CD1B: variants seen among roughly 807,000 people sequenced by gnomAD.
The protein encoded by CD1B is T-cell surface glycoprotein CD1b.
In CD1B, 43 loss-of-function variants were observed where a neutral mutation model predicts 39.8. The ratio of observed to expected loss-of-function variants is 1.08; its 90% CI spans 0.85 to 1.39. CD1B has a LOEUF of 1.39. Among genes scored for constraint, CD1B ranks in the 40% most tolerant of loss-of-function variants. CD1B has a pLI of 0.00. For synonymous variants in CD1B, 192 were observed against 152.5 expected (o/e 1.26, Z -1.91); for missense variants, 495 against 403.8 (o/e 1.23, Z -1.94).
chr1:158,302,294 T>C, the CD1B span, among the ~76,000 whole-genome samples: 3 of 150,450 alleles, frequency 2.0e-5, no homozygotes, highest in Non-Finnish European at 3.0e-5. Flanking sequence ...TAAAACAGAG[T>C]TAAGAGGAAA....
chr1:158,291,466 C>T, the CD1B span: 4 of 1,542,198 alleles, frequency 2.6e-6, no homozygotes, highest in African/African-American at 5.5e-5. Context: ...ATATTCTCTA[C>T]TAATTTTTGG....
the CD1B span, among the ~76,000 whole-genome samples, chr1:158,298,861 A>G: frequency 2.0e-5 from 3 of 152,268 alleles, no homozygotes; most frequent in East Asian, 5.8e-4. Context: ...TTGCACGTTG[A>G]TTTTGTATCC....
chr1:158,299,875 C>G, the CD1B span, among the ~76,000 whole-genome samples: 1 of 152,076 alleles, frequency 6.6e-6, no homozygotes, highest in Non-Finnish European at 1.5e-5. Flanking sequence ...ATTCTTCTCT[C>G]TTTTCTTCTT....
At chr1:158,294,135 G>C in the CD1B span, among the ~76,000 whole-genome samples, 1 of 152,204 alleles carries the variant, frequency 6.6e-6, no homozygotes, top group Non-Finnish European at 1.5e-5. Context: ...AATAGACAGA[G>C]AGTGTGCAAG....
the CD1B span, among the ~76,000 whole-genome samples, chr1:158,315,210 T>C: frequency 1.4e-3 from 207 of 152,292 alleles, 1 homozygote; most frequent in African/African-American, 4.8e-3. Flanking sequence ...TTTCTAGTTC[T>C]AGATCCCTGA....
the CD1B span, among the ~76,000 whole-genome samples, chr1:158,300,191 G>C: frequency 6.6e-6 from 1 of 152,218 alleles, no homozygotes; most frequent in East Asian, 1.9e-4. Flanking sequence ...TTGTGTCTTT[G>C]TTCTCATTGG....
chr1:158,323,443 G>A (rs1652254627), downstream of CD1B, among the ~76,000 whole-genome samples: 2 of 151,992 alleles, frequency 1.3e-5, no homozygotes, highest in South Asian at 4.1e-4. Flanking sequence ...AAGCTATTCT[G>A]AATTCCTTGA....
chr1:158,330,807 A>T lies in CD1B; in HGVS notation c.317T>A (p.Phe106Tyr). 6.2e-7 allele frequency: 1 copy of T among 1,614,160 alleles called. No homozygotes were observed. Among genetic ancestry groups the T allele is most frequent in the Non-Finnish European group, 8.5e-7 (1 of 1,180,012 alleles). Residue 106 changes from phenylalanine to tyrosine, a missense_variant, in exon 2 of 6, where the codon TTC (phenylalanine) becomes TAC (tyrosine). Physicochemically the swap from Phe to Tyr is conservative, Grantham distance 22. Coordinates refer to ENST00000368168, the MANE Select transcript of CD1B (RefSeq NM_001764.3). The part of the protein sequence containing the change: ...AREVQDFAGD[F>Y]QMKYPFEIQG... ...TGGACTAGACTCACATTTCATCTGG[A>T]AATCACCGGCAAAGTCTTGTACTTC...
At chr1:158,310,696 C>A in the CD1B span, among the ~76,000 whole-genome samples, 1 of 152,226 alleles carries the variant, frequency 6.6e-6, no homozygotes, top group South Asian at 2.1e-4. Context: ...ACATAGCCAA[C>A]AAGCATATTT....
rs1652467183 is a variant in CD1B, at chr1:158,328,918, C to G, written c.980+3G>C. On this transcript the variant is annotated splice_donor_region_variant and intron_variant, in intron 5 of 5. Coordinates refer to ENST00000368168, the MANE Select transcript of CD1B (RefSeq NM_001764.3). ...AAAAAAAACAACACCACCCACAACTCACCGGCGCCTCATATACCATAATGC... is the reference window on the plus strand; with the variant it reads ...AAAAAAAACAACACCACCCACAACTGACCGGCGCCTCATATACCATAATGC... 6.3e-7 allele frequency: 1 copy of G among 1,594,910 alleles called. No homozygotes were observed. The highest frequency in any genetic ancestry group is 1.8e-5 in the Admixed American group (1 of 55,792).
rs1470313698 is a variant in CD1B, at chr1:158,329,397, C to T, written c.859G>A (p.Glu287Lys). Reference sequence around the variant, plus strand: ...CAGTAGAGGATGATGTCCTGGCCCTCTAAACTGCTGTGCTTCACCCGACAG... The same window carrying T: ...CAGTAGAGGATGATGTCCTGGCCCTTTAAACTGCTGTGCTTCACCCGACAG... ...LSCRVKHSSL[E>K]GQDIILYWRN... The change falls in exon 4 of 6, where the codon GAG becomes AAG. Residue 287 changes from glutamate (E) to lysine (K), a missense_variant. By Grantham distance (56) the Glu-to-Lys change is moderately conservative. Transcript: ENST00000368168. 1 of 1,614,114 alleles carries T rather than the reference C, an allele frequency of 6.2e-7. No individual in the cohort carries two copies. The highest frequency in any genetic ancestry group is 8.5e-7 in the Non-Finnish European group (1 of 1,180,006).
chr1:158,291,499 C>A, the CD1B span: 1 of 1,234,288 alleles, frequency 8.1e-7, no homozygotes, highest in Non-Finnish European at 1.2e-6. Flanking sequence ...TATCCCATCC[C>A]ACCATAAAAT....
the CD1B span, among the ~76,000 whole-genome samples, chr1:158,293,826 G>A: frequency 6.6e-6 from 1 of 152,102 alleles, no homozygotes; most frequent in South Asian, 2.1e-4. Flanking sequence ...CTTTTAGGAG[G>A]CAAGGATCAT....
downstream of CD1B, among the ~76,000 whole-genome samples, chr1:158,324,984 A>G (rs1652303116): frequency 6.6e-6 from 1 of 152,136 alleles, no homozygotes; most frequent in African/African-American, 2.4e-5. Context: ...TGAGTATACA[A>G]TTATGCAAAA....
chr1:158,296,069 G>GAGTGAGTGT, the CD1B span, among the ~76,000 whole-genome samples: 1 of 152,048 alleles, frequency 6.6e-6, no homozygotes, highest in Non-Finnish European at 1.5e-5. Context: ...ACCAGCATGT[G>GAGTGAGTGT]AGTGAGTGTG....
At chr1:158,320,724 T>C in the CD1B span, among the ~76,000 whole-genome samples, 10 of 152,188 alleles carry the variant, frequency 6.6e-5, no homozygotes, top group Non-Finnish European at 1.3e-4. Context: ...ATTTCCATTT[T>C]TTCAAGAAAT....
the CD1B span, chr1:158,292,117 A>G: frequency 1.2e-6 from 2 of 1,614,060 alleles, no homozygotes; most frequent in Non-Finnish European, 1.7e-6. Flanking sequence ...GCGGGCTGTG[A>G]GCTGCATTCT....
the CD1B span, chr1:158,293,701 C>G: frequency 9.5e-7 from 1 of 1,050,176 alleles, no homozygotes; most frequent in South Asian, 1.5e-5. Flanking sequence ...GTCATTTCCT[C>G]CAACGATCTT....
the CD1B span, among the ~76,000 whole-genome samples, chr1:158,300,700 C>G: frequency 2.6e-5 from 4 of 151,134 alleles, no homozygotes; most frequent in South Asian, 8.4e-4. Flanking sequence ...ATAGTTAGCT[C>G]TTCTTTTTGA....
Sources: allele counts gnomAD v4.1 joint callset (sites outside exome capture counted in the v4.1 genomes callset), GRCh38; gene constraint gnomAD v4.1.1; transcripts MANE v1.5; gene names NCBI Gene and HGNC (gene_info 2026-07-23, HGNC 2026-07-21).